The following RIT1 variants were observed in gnomAD, a reference collection of about 807,000 sequenced individuals.
RIT1 encodes GTP-binding protein Rit1.
A neutral mutation model predicts 25.6 loss-of-function variants in RIT1; 6 were observed. The ratio of observed to expected loss-of-function variants is 0.23; its 90% CI spans 0.13 to 0.46. The LOEUF (loss-of-function observed/expected upper bound fraction) is 0.46. RIT1 is among the 20% of genes least tolerant of loss of function. The probability of loss-of-function intolerance (pLI) is 0.99; values close to 1 mark genes in which losing one functional copy is unlikely to be tolerated. For synonymous variants in RIT1, 81 were observed against 94.1 expected (o/e 0.86, Z 0.80); for missense variants, 219 against 284.4 (o/e 0.77, Z 1.65).
chr1:155,900,542 T>G lies in RIT1; in HGVS notation c.506A>C (p.Tyr169Ser). 6.2e-7 allele frequency: 1 copy of G among 1,614,174 alleles called. No individual in the cohort carries two copies. The highest frequency in any genetic ancestry group is 1.1e-5 in the South Asian group (1 of 91,080). ...GGCATGGAAAACATCATCAATATAG[T>G]AGCGGTATGCAGCAGATGTCTCAAA... ...PFFETSAAYR[Y>S]YIDDVFHALV... The change falls in exon 6 of 6, where the codon TAC (tyrosine) becomes TCC (serine). Residue 169 changes from tyrosine (Y) to serine (S), a missense_variant. By Grantham distance (144) the Tyr-to-Ser change is moderately radical. This residue lies in a region of RIT1 where 81 missense variants were observed against 83.8 expected (regional missense o/e 0.97). Transcript: ENST00000368323.
chr1:155,908,724 G>A (rs573898453), intron 3 of RIT1, among the ~76,000 whole-genome samples: 59 of 151,426 alleles, frequency 3.9e-4, no homozygotes, highest in Non-Finnish European at 6.3e-4. Context: ...CACCACGCCC[G>A]GCTAGTTTTG....
rs1471079685 is a variant in RIT1, at chr1:155,898,020, T to C, written c.*2368A>G. ...ATAATTTACCGGTCTGGTATGGACA[T>C]GAACAGTTCCAGTGCCTTTCAACTT... On this transcript the variant is annotated 3_prime_UTR_variant, in exon 6 of 6. Coordinates refer to ENST00000368323, the MANE Select transcript of RIT1 (RefSeq NM_006912.6). 6.6e-6 allele frequency: 1 copy of C among 152,350 alleles called. No individual in the cohort carries two copies. Among genetic ancestry groups the C allele is most frequent in the Non-Finnish European group, 1.5e-5 (1 of 68,044 alleles). The allele number at this position is 152,350 out of a possible 1,614,324, so 9.4% of individuals were successfully genotyped here.
intron 3 of RIT1, among the ~76,000 whole-genome samples, chr1:155,907,240 C>CTTTT (rs773275927): frequency 3.6e-5 from 5 of 139,072 alleles, no homozygotes; most frequent in East Asian, 2.0e-4. Flanking sequence ...CATTCATATG[C>CTTTT]TTTTTTTTTT....
In RIT1 at chr1:155,900,266, C is replaced by T; in HGVS notation, c.*122G>A. 7 of 703,406 alleles carry T rather than the reference C, an allele frequency of 1.0e-5. No individual in the cohort carries two copies. Among genetic ancestry groups the T allele is most frequent in the Non-Finnish European group, 1.5e-5 (6 of 405,086 alleles). 43.6% of individuals were successfully genotyped at this position (703,406 alleles called of 1,614,324 possible). A position where few individuals can be genotyped will look rare whatever the true frequency, so the allele number is the denominator to read the frequency against. The stretch of plus-strand genomic sequence containing the variant: ...TTAAATACCACATCATTAAAAACTC[C>T]TAGTAGGCATGTCCCTCTTATCAGT... On this transcript the variant is annotated 3_prime_UTR_variant, in exon 6 of 6. Transcript: ENST00000368323.
In RIT1 at chr1:155,899,748, T is replaced by G. The variant is rs954880924; in HGVS notation, c.*640A>C. The G allele has an allele frequency of 9.0e-6, 2 of 223,092 alleles. No individual in the cohort carries two copies. Among genetic ancestry groups the G allele is most frequent in the African/African-American group, 4.5e-5 (2 of 44,830 alleles). The allele number at this position is 223,092 out of a possible 1,614,324, so 13.8% of individuals were successfully genotyped here. ...GCTGTTCTCACTTATCCCGGTGAAT[T>G]TGGGCCAAATGTGTACTTCTTAGAA... On this transcript the variant is annotated 3_prime_UTR_variant, in exon 6 of 6. Coordinates refer to ENST00000368323, the MANE Select transcript of RIT1 (RefSeq NM_006912.6).
chr1:155,906,762 C>CAAA (rs59899087), intron 3 of RIT1, among the ~76,000 whole-genome samples: 17 of 24,748 alleles, frequency 6.9e-4, no homozygotes, highest in African/African-American at 8.6e-4. Context: ...TTCTCCGTCT[C>CAAA]AAAAAAAAAA....
intron 1 of RIT1, 126 bp from the exon 2 acceptor site, chr1:155,910,930 TCAC>T: frequency 6.5e-7 from 1 of 1,548,498 alleles, no homozygotes; most frequent in Non-Finnish European, 8.7e-7. Flanking sequence ...TCCCTCTTGC[TCAC>T]CACTGCACCC....
At chr1:155,910,171 C>A in intron 3 of RIT1, 1 of 336,408 alleles carries the variant, frequency 3.0e-6, no homozygotes, top group Non-Finnish European at 5.5e-6. Context: ...CAAGAAAAGG[C>A]TTCGTTAAGT....
rs1673596560 is a variant in RIT1, at chr1:155,911,300, C to A, written c.-101G>T. 4.8e-6 allele frequency: 1 copy of A among 210,166 alleles called. No individual in the cohort carries two copies. The highest frequency in any genetic ancestry group is 9.7e-6 in the Non-Finnish European group (1 of 102,604). The allele number at this position is 210,166 out of a possible 1,614,324, so 13.0% of individuals were successfully genotyped here. A position where few individuals can be genotyped will look rare whatever the true frequency, so the allele number is the denominator to read the frequency against. On this transcript the variant is annotated 5_prime_UTR_variant, in exon 1 of 6. Transcript: ENST00000368323. ...TCAGTGGGGACTGGAACACCACAGC[C>A]GGTCGGGTCACGCACTTCGTCTTCC...
At chr1:155,903,062 C>T (rs1009671413) in intron 5 of RIT1, among the ~76,000 whole-genome samples, 1 of 151,928 alleles carries the variant, frequency 6.6e-6, no homozygotes, top group Non-Finnish European at 1.5e-5. Flanking sequence ...CTTTGGGAGG[C>T]CGAGGCAGGC....
At chr1:155,901,111 G>A (rs1432222216) in intron 5 of RIT1, among the ~76,000 whole-genome samples, 1 of 152,074 alleles carries the variant, frequency 6.6e-6, no homozygotes, top group African/African-American at 2.4e-5. Context: ...CACTGTGCCC[G>A]GTCTCTAGTC....
intron 5 of RIT1, 118 bp downstream of exon 5, chr1:155,904,193 C>A: frequency 1.3e-6 from 1 of 764,682 alleles, no homozygotes; most frequent in Non-Finnish European, 2.1e-6. Flanking sequence ...CCTCACCCAG[C>A]CTGATTTTCT....
intron 1 of RIT1, 51 bp from the exon 2 acceptor site, chr1:155,910,855 C>T (rs745534608): frequency 1.9e-6 from 3 of 1,598,964 alleles, no homozygotes; most frequent in Non-Finnish European, 2.6e-6. Context: ...ACCACGGCGA[C>T]AGCCCTCAAG....
intron 3 of RIT1, among the ~76,000 whole-genome samples, chr1:155,906,591 T>C (rs972651624): frequency 6.6e-6 from 1 of 151,046 alleles, no homozygotes; most frequent in Non-Finnish European, 1.5e-5. Context: ...TGAAACCCCA[T>C]CTCTACTAAA....
intron 3 of RIT1, among the ~76,000 whole-genome samples, chr1:155,909,326 C>T (rs577993491): frequency 1.3e-4 from 19 of 151,058 alleles, no homozygotes; most frequent in Admixed American, 8.6e-4. Context: ...TGTAGTGAGC[C>T]GAGATTGTGC....
intron 5 of RIT1, among the ~76,000 whole-genome samples, chr1:155,902,165 A>G (rs1016941270): frequency 1.3e-5 from 2 of 152,102 alleles, no homozygotes; most frequent in Non-Finnish European, 2.9e-5. Context: ...TTCTCGTTCT[A>G]TATCTCATCA....
In RIT1 at chr1:155,904,759, T is replaced by C. The variant is rs1673399593; in HGVS notation, c.209A>G (p.Asn70Ser). The change falls in exon 4 of 6, where the codon AAT (asparagine) becomes AGT (serine). Residue 70 changes from asparagine (N) to serine (S), a missense_variant. This residue lies in a region of RIT1 where 131 missense variants were observed against 173.6 expected (regional missense o/e 0.75). Transcript: ENST00000368323. ...TCCAGCTGTATCCAAAATGTCCAGATTGGCAGGCTCATCATCAATACGGAT... is the reference window on the plus strand; with the variant it reads ...TCCAGCTGTATCCAAAATGTCCAGACTGGCAGGCTCATCATCAATACGGAT... ...IRIRIDDEPANLDILDTAGQA... is the reference protein window; with the variant it reads ...IRIRIDDEPASLDILDTAGQA... 1.2e-6 allele frequency: 2 copies of C among 1,612,900 alleles called. No homozygotes were observed. Among genetic ancestry groups the C allele is most frequent in the Non-Finnish European group, 1.7e-6 (2 of 1,178,946 alleles).
intron 3 of RIT1, among the ~76,000 whole-genome samples, chr1:155,908,994 T>C (rs543211600): frequency 1.3e-5 from 2 of 152,212 alleles, no homozygotes; most frequent in Non-Finnish European, 2.9e-5. Flanking sequence ...CAAAACATTA[T>C]TGGCTTTGCG....
At chr1:155,908,815 G>A (rs747473612) in intron 3 of RIT1, among the ~76,000 whole-genome samples, 6 of 151,762 alleles carry the variant, frequency 4.0e-5, no homozygotes, top group African/African-American at 1.2e-4. Context: ...CACCCGCCTC[G>A]ACCTCTCAAA....
Sources: allele counts gnomAD v4.1 joint callset (sites outside exome capture counted in the v4.1 genomes callset), GRCh38; gene constraint gnomAD v4.1.1; regional missense constraint gnomAD v4.1.1; transcripts MANE v1.5; gene names NCBI Gene and HGNC (gene_info 2026-07-23, HGNC 2026-07-21).